The following PPL variants were observed in gnomAD, a reference collection of about 807,000 sequenced individuals.
PPL encodes the protein periplakin.
Under a neutral mutation model 194.4 loss-of-function variants are expected in PPL, and 198 were observed. The observed-to-expected ratio is 1.02, with a 90% CI of 0.91 to 1.15. The LOEUF (loss-of-function observed/expected upper bound fraction) is 1.15, where lower values mean the gene tolerates loss of function less well. Among genes scored for constraint, PPL ranks in the 50% most tolerant of loss-of-function variants. PPL has a pLI of 0.00. For synonymous variants in PPL, 1,220 were observed against 972.4 expected (o/e 1.25, Z -4.74); for missense variants, 2,885 against 2,294.8 (o/e 1.26, Z -5.25).
chr16:4,893,840 G>A (rs993920893), intron 12 of PPL: 18 of 575,456 alleles, frequency 3.1e-5, no homozygotes, highest in African/African-American at 1.5e-4. Flanking sequence ...CTCCTCTTTC[G>A]TAGGAAGTCT....
At position 4,894,489 on chromosome 16, in the gene PPL, C is replaced by G. The variant is rs776862294; in HGVS notation, c.1372G>C (p.Glu458Gln). 3 of 1,613,920 alleles carry G rather than the reference C, an allele frequency of 1.9e-6. No individual in the cohort carries two copies. Among genetic ancestry groups the G allele is most frequent in the Admixed American group, 3.3e-5 (2 of 60,018 alleles). ...TACCTGTCAGCCAGAGCCAGGGCCT[C>G]AGGGTCTGTGGGGGGGATCACAAAA... ...VCFVIPPTDP[E>Q]ALALADSLGS... The change falls in exon 12 of 22, where the codon GAG becomes CAG. Residue 458 changes from glutamate (E) to glutamine (Q), a missense_variant. Transcript: ENST00000345988.
At position 4,910,820 on chromosome 16, in the gene PPL, C is replaced by G. The variant is rs1861569653; in HGVS notation, c.162+30G>C. 27 of 1,589,598 alleles carry G rather than the reference C, an allele frequency of 1.7e-5. No individual in the cohort carries two copies. The East Asian group carries it at 5.8e-4, about 34-fold the overall frequency. ...GAACAGGGCTGGCAGCACGGGGCAC[C>G]CAGGTGGGAGTGGGAGTGGGGGCAC... On this transcript the variant is annotated intron_variant, in intron 2 of 21. Transcript: ENST00000345988.
At chr16:4,895,480 G>T in intron 10 of PPL, 73 bp from the exon 11 acceptor site, 1 of 1,602,902 alleles carries the variant, frequency 6.2e-7, no homozygotes, top group Non-Finnish European at 8.5e-7. Flanking sequence ...CAGAGCAGGG[G>T]CTGGATTCAG....
At chr16:4,930,355 G>T (rs562346523) in intron 1 of PPL, among the ~76,000 whole-genome samples, 1 of 152,282 alleles carries the variant, frequency 6.6e-6, no homozygotes, top group Admixed American at 6.5e-5. Context: ...GACTGGATGG[G>T]GACAGGGCAG....
intron 2 of PPL, among the ~76,000 whole-genome samples, chr16:4,904,782 T>C (rs1479919173): frequency 6.6e-6 from 1 of 151,814 alleles, no homozygotes; most frequent in Non-Finnish European, 1.5e-5. Flanking sequence ...CCAGGGGCTC[T>C]GCAGAGAGGA....
rs576420975 is a variant in PPL, at chr16:4,913,345, C to G, written c.63-2396G>C. Among the ~76,000 whole-genome samples, 5 of 152,292 alleles carry G rather than the reference C, an allele frequency of 3.3e-5. No homozygotes were observed. In the South Asian group the frequency reaches 1.0e-3, roughly 32 times the overall value. ...TGGCTGTGTGACTTGGCCCAGCTCC[C>G]TTGCCTATCTGTGCCTCTGTCTCCC... On this transcript the variant is annotated intron_variant, in intron 1 of 21. Transcript: ENST00000345988.
chr16:4,936,855 C>A, intron 1 of PPL, 129 bp downstream of exon 1: 1 of 944,048 alleles, frequency 1.1e-6, no homozygotes, highest in East Asian at 3.6e-5. Flanking sequence ...GAGTCCCGCA[C>A]TCCGGGTTCA....
chr16:4,888,906 G>T, intron 19 of PPL, 72 bp downstream of exon 19: 1 of 1,469,022 alleles, frequency 6.8e-7, no homozygotes, highest in Non-Finnish European at 9.5e-7. Context: ...GGTGCTTGCT[G>T]CTTCTCTGAC....
rs747599950 is a variant in PPL at position 4,895,284 on chromosome 16, G to C, written c.1219C>G (p.Leu407Val). The C allele has an allele frequency of 1.9e-6, 3 of 1,609,898 alleles. No individual in the cohort carries two copies. Among genetic ancestry groups the C allele is most frequent in the South Asian group, 1.1e-5 (1 of 90,978 alleles). The change falls in exon 11 of 22, where the codon CTC (leucine) becomes GTC (valine). Residue 407 changes from leucine to valine, a missense_variant. By Grantham distance (32) the Leu-to-Val change is conservative (BLOSUM62 1). Transcript: ENST00000345988. ...TPLKPIPVEALCDFEGEQGLI... is the reference protein window; with the variant it reads ...TPLKPIPVEAVCDFEGEQGLI... ...ACCTGCTCCCCCTCAAAGTCACAGA[G>C]TGCCTCCACGGGGATGGGCTTGAGC...
intron 1 of PPL, among the ~76,000 whole-genome samples, chr16:4,923,224 C>T (rs370581942): frequency 2.0e-5 from 3 of 152,324 alleles, no homozygotes; most frequent in Non-Finnish European, 2.9e-5. Flanking sequence ...CCTGGGAACG[C>T]GTCTCCTGCG....
chr16:4,887,970 G>A, intron 20 of PPL, 132 bp downstream of exon 20: 1 of 678,918 alleles, frequency 1.5e-6, no homozygotes, highest in Admixed American at 2.3e-5. Flanking sequence ...CTGTTTGCAT[G>A]CAGGAGGGCT....
Position 4,903,946 on chromosome 16 carries a change from T to A in PPL, c.257A>T (p.Glu86Val). The A allele has an allele frequency of 6.2e-7, 1 of 1,614,100 alleles. No homozygotes were observed. Among genetic ancestry groups the A allele is most frequent in the Non-Finnish European group, 8.5e-7 (1 of 1,180,042 alleles). Residue 86 changes from glutamate (E) to valine (V), a missense_variant, in exon 3 of 22, where the codon GAG becomes GTG. Transcript: ENST00000345988. ...GTGCTTGGCAATGGCCGCATCCGCC[T>A]CTAGCACATAGAGCAGCTTCTCAGA... ...LDSEKLLYVL[E>V]ADAAIAKHMK...
chr16:4,922,732 C>T (rs2089074742), intron 1 of PPL, among the ~76,000 whole-genome samples: 1 of 152,086 alleles, frequency 6.6e-6, no homozygotes, highest in Admixed American at 6.6e-5. Flanking sequence ...AGTTAGAATC[C>T]TCCAGCACCT....
rs1041660510 is a variant in PPL at position 4,883,495 on chromosome 16, G to A, written c.5160C>T (p.Ser1720=). The A allele has an allele frequency of 6.2e-7, 1 of 1,614,086 alleles. No individual in the cohort carries two copies. The highest frequency in any genetic ancestry group is 1.3e-5 in the African/African-American group (1 of 74,922). ...TGCCACTCTGCAGGGCCTCTTCGAT[G>A]GAGAACTTCTTGCCAGACTTCCTGT... is the stretch of plus-strand genomic sequence containing the variant. The part of the protein sequence containing the change: ...IHDRKSGKKF[S]IEEALQSGRL... The change falls in exon 22 of 22, where the codon TCC becomes TCT. Residue 1720 remains serine, a synonymous_variant. Transcript: ENST00000345988. The surrounding 1 kb of genome is among the most constrained non-coding windows in gnomAD (Gnocchi z 4.8).
intron 12 of PPL, 99 bp from the exon 13 acceptor site, chr16:4,893,737 G>T: frequency 1.1e-6 from 1 of 949,350 alleles, no homozygotes; most frequent in Non-Finnish European, 1.6e-6. Context: ...CACCCCAGAG[G>T]AGCCTGACAG....
chr16:4,906,094 C>T (rs1158059437), intron 2 of PPL, among the ~76,000 whole-genome samples: 2 of 152,106 alleles, frequency 1.3e-5, no homozygotes, highest in African/African-American at 2.4e-5. Flanking sequence ...GGCGACAGAG[C>T]GAGACCCTAC....
Position 4,904,003 on chromosome 16 carries a change from T to C in PPL, c.200A>G (p.His67Arg), listed in dbSNP as rs570240630. 3 of 1,613,196 alleles carry C rather than the reference T, an allele frequency of 1.9e-6. No individual in the cohort carries two copies. The highest frequency in any genetic ancestry group is 1.7e-5 in the Admixed American group (1 of 60,012). The change falls in exon 3 of 22, where the codon CAC (histidine) becomes CGC (arginine). Residue 67 changes from histidine (H) to arginine (R), a missense_variant. Transcript: ENST00000345988. ...ARLQEGRQPEHRDVTLQKVLD... is the reference protein window; with the variant it reads ...ARLQEGRQPERRDVTLQKVLD... Reference sequence around the variant, plus strand: ...CACCTTCTGCAGGGTCACGTCCCGGTGCTCAGGCTGCCGACCCTCCTGCAG... The same window carrying C: ...CACCTTCTGCAGGGTCACGTCCCGGCGCTCAGGCTGCCGACCCTCCTGCAG...
Position 4,908,613 on chromosome 16 carries a change from C to G in PPL, c.162+2237G>C, listed in dbSNP as rs143352700. ...AGTGCAGTGGTGTCATCTCTGCTCA[C>G]TGCAGCCTCAACCTTCCGGGCTTAA... is the stretch of plus-strand genomic sequence containing the variant. On this transcript the variant is annotated intron_variant, in intron 2 of 21. Transcript: ENST00000345988. Among the ~76,000 whole-genome samples, 438 of 152,336 alleles carry G rather than the reference C, an allele frequency of 2.9e-3. 4 individuals carry two copies. Among genetic ancestry groups the G allele is most frequent in the African/African-American group, 9.1e-3 (379 of 41,572 alleles).
chr16:4,899,374 T>A lies in PPL; in HGVS notation c.617A>T (p.Gln206Leu). Residue 206 changes from glutamine to leucine, a missense_variant, in exon 7 of 22, where the codon CAG becomes CTG. By Grantham distance (113) the Gln-to-Leu change is moderately radical. Coordinates refer to ENST00000345988, the MANE Select transcript of PPL (RefSeq NM_002705.5). Reference protein sequence around the residue: ...AKYQKLLAASQARQQHLSSLQ... With the variant: ...AKYQKLLAASLARQQHLSSLQ... ...CGAACTCAGGTGCTGCTGCCGGGCC[T>A]GTGATGCTGCCTGAAGGGGCCGGGG... is the stretch of plus-strand genomic sequence containing the variant. 6.2e-7 allele frequency: 1 copy of A among 1,607,114 alleles called. No individual in the cohort carries two copies. Among genetic ancestry groups the A allele is most frequent in the Non-Finnish European group, 8.5e-7 (1 of 1,176,452 alleles).
Sources: gnomAD v4.1 joint callset for allele counts (sites outside exome capture counted in the v4.1 genomes callset) on GRCh38, gnomAD v4.1.1 for gene constraint, Gnocchi (gnomAD v3.1) non-coding constraint, MANE v1.5 for transcripts, NCBI Gene and HGNC (gene_info 2026-07-23, HGNC 2026-07-21) for gene names.